Variants in BBS9 observed in about 807,000 individuals in gnomAD.
BBS9 encodes protein PTHB1.
BBS9 carries 89 observed loss-of-function variants against 117.7 expected under a neutral mutation model. That is an observed-to-expected ratio of 0.76 (90% CI 0.64 to 0.90). The LOEUF is 0.90. BBS9 is among the 40% of genes least tolerant of loss of function. BBS9 has a pLI of 0.00. For synonymous variants in BBS9, 379 were observed against 370.9 expected (o/e 1.02, Z -0.25); for missense variants, 982 against 1,042.2 (o/e 0.94, Z 0.80).
intron 12 of BBS9, among the ~76,000 whole-genome samples, chr7:33,347,699 T>C (rs915182281): frequency 1.3e-5 from 2 of 151,852 alleles, no homozygotes; most frequent in Non-Finnish European, 2.9e-5. Context: ...GTGTTCATAA[T>C]GTTTGTGGGC....
At chr7:33,234,897 A>G (rs1267391998) in intron 5 of BBS9, among the ~76,000 whole-genome samples, 1 of 152,130 alleles carries the variant, frequency 6.6e-6, no homozygotes, top group African/African-American at 2.4e-5. Context: ...TTGTTTCATC[A>G]TAGAAATTTG....
chr7:33,511,971 TG>T (rs1465248811), intron 20 of BBS9, among the ~76,000 whole-genome samples: 1 of 152,216 alleles, frequency 6.6e-6, no homozygotes, highest in Non-Finnish European at 1.5e-5. Context: ...GGAAGTCTGG[TG>T]TCAGTATTAA....
intron 13 of BBS9, chr7:33,349,386 G>A: frequency 1.8e-6 from 1 of 570,948 alleles, no homozygotes; most frequent in Non-Finnish European, 3.3e-6. Context: ...TACGATTACA[G>A]ATTTCTAGGT....
At chr7:33,194,665 C>CT (rs944950170) in intron 5 of BBS9, among the ~76,000 whole-genome samples, 13 of 152,056 alleles carry the variant, frequency 8.5e-5, no homozygotes, top group Non-Finnish European at 1.5e-4. Flanking sequence ...ATGTGAATAT[C>CT]TTTTTTCCAG....
chr7:33,416,112 G>A (rs1335287682), intron 19 of BBS9, among the ~76,000 whole-genome samples: 1 of 152,102 alleles, frequency 6.6e-6, no homozygotes, highest in Admixed American at 6.6e-5. Flanking sequence ...GGGATTATAG[G>A]TGTGAGCCAC....
At chr7:33,497,781 C>T (rs905917339) in intron 19 of BBS9, among the ~76,000 whole-genome samples, 1 of 152,150 alleles carries the variant, frequency 6.6e-6, no homozygotes, top group Non-Finnish European at 1.5e-5. Context: ...AAAATGAACA[C>T]TGTTTTCACT....
intron 4 of BBS9, among the ~76,000 whole-genome samples, chr7:33,161,688 A>G (rs975898978): frequency 6.6e-6 from 1 of 152,186 alleles, no homozygotes; most frequent in African/African-American, 2.4e-5. Context: ...TCCTTGAGGA[A>G]TTGCCACACT....
intron 21 of BBS9, among the ~76,000 whole-genome samples, chr7:33,566,670 T>C (rs1856972668): frequency 6.6e-6 from 1 of 152,092 alleles, no homozygotes; most frequent in African/African-American, 2.4e-5. Context: ...TACCTTTTTA[T>C]TTTTTTAACA....
intron 5 of BBS9, among the ~76,000 whole-genome samples, chr7:33,178,556 C>T (rs1797659268): frequency 6.6e-6 from 1 of 152,088 alleles, no homozygotes; most frequent in Admixed American, 6.6e-5. Flanking sequence ...GGATAGGAAG[C>T]CAGGTGGTGA....
At chr7:33,309,855 G>A (rs966563190) in intron 9 of BBS9, among the ~76,000 whole-genome samples, 11 of 152,176 alleles carry the variant, frequency 7.2e-5, no homozygotes, top group African/African-American at 2.2e-4. Flanking sequence ...GAATTCTCAG[G>A]GAGTTAGTGG....
intron 5 of BBS9, among the ~76,000 whole-genome samples, chr7:33,242,344 G>T (rs1160144302): frequency 6.6e-6 from 1 of 151,968 alleles, no homozygotes; most frequent in African/African-American, 2.4e-5. Context: ...GTACTGGGGA[G>T]ATAAAGTCAA....
intron 19 of BBS9, among the ~76,000 whole-genome samples, chr7:33,404,762 T>C (rs1034696991): frequency 6.6e-6 from 1 of 152,016 alleles, no homozygotes; most frequent in Non-Finnish European, 1.5e-5. Flanking sequence ...AATGGGGTTT[T>C]CTAGATATAC....
intron 17 of BBS9, among the ~76,000 whole-genome samples, chr7:33,379,151 C>G (rs11979222): frequency 0.07 from 10,722 of 152,310 alleles, 425 homozygotes; most frequent in African/African-American, 0.089. Flanking sequence ...AAACACATTT[C>G]TGCCTCAGTG....
chr7:33,287,089 A>T (rs1414837114), intron 9 of BBS9, among the ~76,000 whole-genome samples: 2 of 152,178 alleles, frequency 1.3e-5, no homozygotes, highest in African/African-American at 4.8e-5. Context: ...CTAGCTTTGG[A>T]GCACAAATCA....
intron 7 of BBS9, among the ~76,000 whole-genome samples, chr7:33,267,658 C>G (rs1010858615): frequency 6.6e-6 from 1 of 151,884 alleles, no homozygotes; most frequent in African/African-American, 2.4e-5. Context: ...AGTCTTTGTG[C>G]TATTGTCCTG....
At chr7:33,206,557 C>T (rs951053935) in intron 5 of BBS9, among the ~76,000 whole-genome samples, 9 of 152,074 alleles carry the variant, frequency 5.9e-5, no homozygotes, top group African/African-American at 2.2e-4. Flanking sequence ...CTTGCTCTCA[C>T]TTGCTCTGTC....
At position 33,509,208 on chromosome 7, in the gene BBS9, A is replaced by T. The variant is rs143709637; in HGVS notation, c.2298+3563A>T. On this transcript the variant is annotated intron_variant, in intron 20 of 22. Transcript: ENST00000242067. ...CATCTTTAATTAGGTTGTGGTATTC[A>T]CTTCGGACTTATACTGTTGAGACAG... Among the ~76,000 whole-genome samples the T allele has an allele frequency of 6.5e-3, 994 of 152,310 alleles. 11 individuals are homozygous for T. The highest frequency in any genetic ancestry group is 0.022 in the African/African-American group (906 of 41,566).
chr7:33,273,788 G>A, intron 8 of BBS9, 39 bp from the exon 9 acceptor site: 1 of 1,587,528 alleles, frequency 6.3e-7, no homozygotes, highest in African/African-American at 1.3e-5. Context: ...CCAAATGACT[G>A]TTTTCTTAGT....
chr7:33,336,689 A>T, intron 10 of BBS9, 67 bp downstream of exon 10: 1 of 1,126,678 alleles, frequency 8.9e-7, no homozygotes, highest in African/African-American at 1.6e-5. Flanking sequence ...TTGTAGATAG[A>T]TATTATTTTG....
Sources: allele counts gnomAD v4.1 joint callset (sites outside exome capture counted in the v4.1 genomes callset), GRCh38; gene constraint gnomAD v4.1.1; transcripts MANE v1.5; gene names NCBI Gene and HGNC (gene_info 2026-07-23, HGNC 2026-07-21).